The following PHF3 variants were observed in gnomAD, a reference collection of about 807,000 sequenced individuals.
The protein encoded by PHF3 is PHD finger protein 3.
PHF3 carries 41 observed loss-of-function variants against 178.4 expected under a neutral mutation model. That is an observed-to-expected ratio of 0.23 (90% confidence interval 0.18 to 0.30). PHF3 has a LOEUF of 0.30. PHF3 is among the 10% of genes least tolerant of loss of function. The pLI is 1.00. For missense variants in PHF3, 2,346 were observed against 2,398.1 expected (o/e 0.98, Z 0.45); for synonymous variants, 842 against 800.5 (o/e 1.05, Z -0.88).
rs1017652925 is a variant in PHF3 at position 63,722,442 on chromosome 6, T to G, written c.*8734T>G. 6.6e-6 allele frequency among the ~76,000 whole-genome samples: 1 copy of G among 152,144 alleles called. No individual in the cohort carries two copies. The highest frequency in any genetic ancestry group is 1.5e-5 in the Non-Finnish European group (1 of 68,010). On this transcript the variant is annotated 3_prime_UTR_variant, in exon 16 of 16. Transcript: ENST00000262043. Reference sequence around the variant, plus strand: ...TTAATATCACTAGGTTTCCCTCCATTACAGTATATCTCATTTTATAATTAT... The same window carrying G: ...TTAATATCACTAGGTTTCCCTCCATGACAGTATATCTCATTTTATAATTAT...
Position 63,712,315 on chromosome 6 carries a change from T to C in PHF3, c.4727T>C (p.Leu1576Ser). 1 of 1,613,196 alleles carries C rather than the reference T, an allele frequency of 6.2e-7. No individual in the cohort carries two copies. The highest frequency in any genetic ancestry group is 8.5e-7 in the Non-Finnish European group (1 of 1,179,788). ...DVSTEAFLTN[L>S]SIQSKQEETV... Reference sequence around the variant, plus strand: ...TCTACAGAAGCATTTTTAACAAATTTATCAATTCAGTCAAAACAAGAGGAA... The same window carrying C: ...TCTACAGAAGCATTTTTAACAAATTCATCAATTCAGTCAAAACAAGAGGAA... The change falls in exon 16 of 16, where the codon TTA becomes TCA. Residue 1576 changes from leucine to serine, a missense_variant. This residue lies in a region of PHF3 where 839 missense variants were observed against 806.9 expected (regional missense o/e 1.04). Coordinates refer to ENST00000262043, the MANE Select transcript of PHF3 (RefSeq NM_001370348.2).
In PHF3 at chr6:63,702,525, G is replaced by A; in HGVS notation, c.3117G>A (p.Glu1039=). ...RENRHTIEMI[E]KEQREVERRP... ...TCTGTTAGACCATAGAAATGATTGA[G>A]AAAGAGCAGAGAGAAGTGGAACGAC... The change falls in exon 10 of 16, where the codon GAG becomes GAA. Residue 1039 remains glutamate (E), a synonymous_variant. Coordinates refer to ENST00000262043, the MANE Select transcript of PHF3 (RefSeq NM_001370348.2). The A allele has an allele frequency of 3.1e-6, 5 of 1,608,080 alleles. No individual in the cohort carries two copies. Among genetic ancestry groups the A allele is most frequent in the Non-Finnish European group, 4.3e-6 (5 of 1,176,070 alleles).
At chr6:63,669,032 CCTTAT>C (rs1431267560) in intron 2 of PHF3, among the ~76,000 whole-genome samples, 23 of 152,136 alleles carry the variant, frequency 1.5e-4, no homozygotes, top group East Asian at 3.9e-4. Flanking sequence ...AAAATTTTTC[CCTTAT>C]CTTAAGGCTG....
intron 1 of PHF3, among the ~76,000 whole-genome samples, chr6:63,638,141 AT>A (rs1177852445): frequency 2.0e-5 from 3 of 152,108 alleles, no homozygotes; most frequent in African/African-American, 4.8e-5. Context: ...ATCGAAAGGA[AT>A]TTGTCTTTAA....
chr6:63,713,375 T>C lies in PHF3; in HGVS notation c.5787T>C (p.His1929=), dbSNP rs1768054173. 1.9e-6 allele frequency: 3 copies of C among 1,613,890 alleles called. No homozygotes were observed. In the South Asian group the frequency reaches 3.3e-5, roughly 18 times the overall value. ...AGAGATTTTATAGTGATTCACACCATTTGAAAAGAGAGCGACATGAAAAGG... is the reference window on the plus strand; with the variant it reads ...AGAGATTTTATAGTGATTCACACCACTTGAAAAGAGAGCGACATGAAAAGG... The part of the protein sequence containing the change: ...DRQRFYSDSH[H]LKRERHEKEW... The change falls in exon 16 of 16, where the codon CAT becomes CAC. Residue 1929 remains histidine, a synonymous_variant. Transcript: ENST00000262043.
rs1159354800 is a variant in PHF3 at position 63,712,496 on chromosome 6, T to C, written c.4908T>C (p.Val1636=). The stretch of plus-strand genomic sequence containing the variant: ...ATGTGAGCTGTAGTGAAAACCTTGT[T>C]GCTAATACAGCGAGGTCTCCACAGT... ...DGNVSCSENL[V]ANTARSPQFI... Residue 1636 remains valine (V), a synonymous_variant, in exon 16 of 16, where the codon GTT becomes GTC. Transcript: ENST00000262043. 2.5e-6 allele frequency: 4 copies of C among 1,613,902 alleles called. No homozygotes were observed. The highest frequency in any genetic ancestry group is 3.4e-6 in the Non-Finnish European group (4 of 1,179,942).
Position 63,715,067 on chromosome 6 carries a change from T to C in PHF3, c.*1359T>C, listed in dbSNP as rs1768143311. On this transcript the variant is annotated 3_prime_UTR_variant, in exon 16 of 16. Coordinates refer to ENST00000262043, the MANE Select transcript of PHF3 (RefSeq NM_001370348.2). ...CTGTATTAATGAAGAAAAATATAAA[T>C]AATTCCACAAAATTGATTGTTTTCC... The C allele has an allele frequency of 6.6e-6, 1 of 152,094 alleles. No homozygotes were observed. The allele number at this position is 152,094 out of a possible 1,614,324, so 9.4% of individuals were successfully genotyped here. A position where few individuals can be genotyped will look rare whatever the true frequency, so the allele number is the denominator to read the frequency against.
intron 1 of PHF3, among the ~76,000 whole-genome samples, chr6:63,640,698 G>T (rs969388361): frequency 5.3e-5 from 8 of 152,018 alleles, no homozygotes; most frequent in Non-Finnish European, 1.2e-4. Context: ...ACCTACTATG[G>T]CAAATTATTT....
At chr6:63,700,592 CT>C (rs952374946) in intron 9 of PHF3, 126 bp downstream of exon 9, 6,241 of 487,940 alleles carry the variant, frequency 0.013, no homozygotes, top group South Asian at 0.02. Flanking sequence ...TTACATGCTT[CT>C]TTTTTTTTTG....
rs1442402621 is a variant in PHF3, at chr6:63,718,515, G to T, written c.*4807G>T. On this transcript the variant is annotated 3_prime_UTR_variant, in exon 16 of 16. Transcript: ENST00000262043. Reference sequence around the variant, plus strand: ...GTTAACTTCCAAACTAATTTAGTAAGAAGAGTGTCATTGTCTTGATTTTTG... The same window carrying T: ...GTTAACTTCCAAACTAATTTAGTAATAAGAGTGTCATTGTCTTGATTTTTG... Among the ~76,000 whole-genome samples, 1 of 151,998 alleles carries T rather than the reference G, an allele frequency of 6.6e-6. No homozygotes were observed. The highest frequency in any genetic ancestry group is 1.5e-5 in the Non-Finnish European group (1 of 67,946).
At chr6:63,671,277 A>G (rs947548284) in intron 2 of PHF3, among the ~76,000 whole-genome samples, 1 of 152,224 alleles carries the variant, frequency 6.6e-6, no homozygotes, top group Non-Finnish European at 1.5e-5. Context: ...CATACCTATC[A>G]TATGCCAGAC....
At position 63,685,712 on chromosome 6, in the gene PHF3, A is replaced by C; in HGVS notation, c.1990A>C (p.Lys664Gln). 5.0e-6 allele frequency: 8 copies of C among 1,614,170 alleles called. No individual in the cohort carries two copies. Among genetic ancestry groups the C allele is most frequent in the Non-Finnish European group, 6.8e-6 (8 of 1,180,032 alleles). ...HFKEEDKLKL[K>Q]KPEKNLQPRQ... ...TAAGGAAGAGGATAAACTGAAACTG[A>C]AAAAACCTGAGAAGAACCTACAACC... Residue 664 changes from lysine to glutamine, a missense_variant, in exon 4 of 16, where the codon AAA (lysine) becomes CAA (glutamine). By Grantham distance (53) the Lys-to-Gln change is moderately conservative. This residue lies in a region of PHF3 where 843 missense variants were observed against 795.2 expected (regional missense o/e 1.06). Transcript: ENST00000262043.
intron 2 of PHF3, among the ~76,000 whole-genome samples, chr6:63,663,392 T>TC (rs1765550021): frequency 6.6e-6 from 1 of 152,118 alleles, no homozygotes; most frequent in Non-Finnish European, 1.5e-5. Context: ...ATTTCATAAT[T>TC]CCTTGGCAGT....
rs978115718 is a variant in PHF3, at chr6:63,723,756, T to C, written c.*10048T>C. 3.3e-5 allele frequency among the ~76,000 whole-genome samples: 5 copies of C among 151,050 alleles called. No individual in the cohort carries two copies. The highest frequency in any genetic ancestry group is 1.2e-4 in the African/African-American group (5 of 41,224). On this transcript the variant is annotated 3_prime_UTR_variant, in exon 16 of 16. Coordinates refer to ENST00000262043, the MANE Select transcript of PHF3 (RefSeq NM_001370348.2). ...TAAATTTCATTGCGTTAGGATATGA[T>C]GCTCTAGTTATGGGTCATAAGTACA...
intron 14 of PHF3, 40 bp downstream of exon 14, chr6:63,709,280 GT>G: frequency 1.6e-6 from 2 of 1,268,692 alleles, no homozygotes; most frequent in Non-Finnish European, 2.3e-6. Flanking sequence ...ATGGGAAAAT[GT>G]TTAGAAAGTA....
intron 2 of PHF3, among the ~76,000 whole-genome samples, chr6:63,657,467 A>G (rs1051446882): frequency 6.6e-6 from 1 of 152,210 alleles, no homozygotes; most frequent in African/African-American, 2.4e-5. Flanking sequence ...ATTATATGTT[A>G]CGTGTATTAT....
chr6:63,704,455 T>C (rs574206679), intron 11 of PHF3, among the ~76,000 whole-genome samples: 29 of 151,320 alleles, frequency 1.9e-4, no homozygotes, highest in African/African-American at 6.8e-4. Flanking sequence ...TCATTGTCTC[T>C]GTAGTTTTGC....
chr6:63,683,159 T>A (rs1035972872), intron 3 of PHF3, among the ~76,000 whole-genome samples: 4 of 152,078 alleles, frequency 2.6e-5, no homozygotes, highest in African/African-American at 9.7e-5. Context: ...TATATAATTT[T>A]ATTGTTCAAA....
chr6:63,684,039 T>G lies in PHF3; in HGVS notation c.407-90T>G, dbSNP rs1766555942. On this transcript the variant is annotated intron_variant, in intron 3 of 15. Transcript: ENST00000262043. ...TTGTTGAGCAAATTATAGCTCAGAATAAAGAAGTGATATATTCTAAATTGT... is the reference window on the plus strand; with the variant it reads ...TTGTTGAGCAAATTATAGCTCAGAAGAAAGAAGTGATATATTCTAAATTGT... The G allele has an allele frequency of 2.9e-6, 3 of 1,021,830 alleles. No individual in the cohort carries two copies. The South Asian group carries it at 4.9e-5, about 17-fold the overall frequency. 63.3% of individuals were successfully genotyped at this position (1,021,830 alleles called of 1,614,324 possible). A position where few individuals can be genotyped will look rare whatever the true frequency, so the allele number is the denominator to read the frequency against.
Sources: gnomAD v4.1 joint callset for allele counts (sites outside exome capture counted in the v4.1 genomes callset) on GRCh38, gnomAD v4.1.1 for gene constraint, gnomAD v4.1.1 regional missense constraint, MANE v1.5 for transcripts, NCBI Gene and HGNC (gene_info 2026-07-23, HGNC 2026-07-21) for gene names.